The following NIPBL variants were observed in gnomAD, a reference collection of about 807,000 sequenced individuals.
NIPBL encodes NIPBL cohesin loading factor.
A neutral mutation model predicts 321.8 loss-of-function variants in NIPBL; 19 were observed. The observed-to-expected ratio is 0.06, with a 90% CI of 0.04 to 0.09. NIPBL has a LOEUF of 0.09. Among genes scored for constraint, NIPBL ranks in the 10% least tolerant of loss-of-function variants. The pLI is 1.00. For missense variants in NIPBL, 2,210 were observed against 3,327.0 expected, an observed-to-expected ratio of 0.66 and a Z score of 8.26; for synonymous variants, 1,106 against 1,114.1, an observed-to-expected ratio of 0.99 and a Z score of 0.14.
chr5:36,951,895 C>A (rs894937961), intron 1 of NIPBL, among the ~76,000 whole-genome samples: 21 of 151,628 alleles, frequency 1.4e-4, no homozygotes, highest in African/African-American at 4.8e-4. Flanking sequence ...GGTCTTTAAA[C>A]TGTAAAGAAA....
chr5:36,952,478 C>T (rs1360786968), intron 1 of NIPBL, among the ~76,000 whole-genome samples: 1 of 152,026 alleles, frequency 6.6e-6, no homozygotes, highest in Non-Finnish European at 1.5e-5. Flanking sequence ...TTAATGCGTA[C>T]ATTGTTAAAA....
chr5:37,012,273 C>G (rs1363044742), intron 21 of NIPBL, among the ~76,000 whole-genome samples: 2 of 151,324 alleles, frequency 1.3e-5, no homozygotes, highest in Non-Finnish European at 2.9e-5. Context: ...CCTCAGCCTT[C>G]CGAGTAGCTG....
chr5:36,881,251 T>C (rs755877099), intron 1 of NIPBL, among the ~76,000 whole-genome samples: 1 of 151,954 alleles, frequency 6.6e-6, no homozygotes, highest in Non-Finnish European at 1.5e-5. Flanking sequence ...TTTGCCCAAA[T>C]AAATTAAGTA....
At chr5:37,022,476 A>C (rs1749758328) in intron 29 of NIPBL, 86 bp downstream of exon 29, 1 of 1,142,792 alleles carries the variant, frequency 8.8e-7, no homozygotes, top group Admixed American at 2.7e-5. Context: ...AAGTTAGAAA[A>C]ATAAATGTAC....
intron 1 of NIPBL, chr5:36,885,483 A>G: frequency 2.0e-6 from 1 of 496,404 alleles, no homozygotes; most frequent in South Asian, 1.5e-5. Context: ...CTGGCCTCCT[A>G]CCTGGACAGA....
In NIPBL at chr5:37,062,937, A is replaced by T. The variant is rs946566044; in HGVS notation, c.7861-853A>T. On this transcript the variant is annotated intron_variant, in intron 45 of 46. Transcript: ENST00000282516. ...CCTGTCTCAATTTAAAAAGAAAAAA[A>T]AAAAGGGTTAAGCTGGCAAATTTTA... Among the ~76,000 whole-genome samples the T allele has an allele frequency of 2.0e-5, 3 of 152,204 alleles. 1 individual carries two copies. The South Asian group carries it at 6.2e-4, about 31-fold the overall frequency.
chr5:36,999,029 A>G (rs1381211704), intron 11 of NIPBL, among the ~76,000 whole-genome samples: 5 of 152,156 alleles, frequency 3.3e-5, no homozygotes, highest in African/African-American at 9.7e-5. Context: ...TTTTCCTGCC[A>G]TGTTGTCCAT....
At chr5:36,925,676 C>T (rs987699659) in intron 1 of NIPBL, among the ~76,000 whole-genome samples, 5 of 152,138 alleles carry the variant, frequency 3.3e-5, no homozygotes, top group Non-Finnish European at 7.4e-5. Flanking sequence ...TCAACTAGTA[C>T]GTGGCAGAAT....
chr5:36,917,187 C>T (rs932275331), intron 1 of NIPBL, among the ~76,000 whole-genome samples: 4 of 151,708 alleles, frequency 2.6e-5, no homozygotes, highest in Non-Finnish European at 4.4e-5. Flanking sequence ...TTTAGTGGAT[C>T]GCCATTCTAA....
intron 1 of NIPBL, chr5:36,885,437 C>A: frequency 2.2e-6 from 1 of 462,464 alleles, no homozygotes; most frequent in South Asian, 1.7e-5. Context: ...GGGAGGCATC[C>A]AGAACAAGGA....
intron 31 of NIPBL, among the ~76,000 whole-genome samples, chr5:37,026,922 AAAAAG>A (rs1201239712): frequency 2.0e-5 from 3 of 151,944 alleles, no homozygotes; most frequent in East Asian, 1.9e-4. Flanking sequence ...TCAAAAAAAA[AAAAAG>A]AAAAGAAAGA....
intron 16 of NIPBL, among the ~76,000 whole-genome samples, chr5:37,005,307 C>T (rs1381710396): frequency 2.0e-5 from 3 of 152,034 alleles, no homozygotes; most frequent in Non-Finnish European, 4.4e-5. Context: ...CTTAGAGAAA[C>T]CTAAAGTAAC....
At chr5:37,024,995 G>A (rs895544699) in intron 30 of NIPBL, among the ~76,000 whole-genome samples, 1 of 152,148 alleles carries the variant, frequency 6.6e-6, no homozygotes, top group East Asian at 1.9e-4. Context: ...ACTTTGGGAG[G>A]CCAAGGCAGG....
intron 14 of NIPBL, 57 bp downstream of exon 14, chr5:37,001,135 T>G: frequency 1.7e-6 from 2 of 1,159,676 alleles, no homozygotes; most frequent in Non-Finnish European, 2.6e-6. Context: ...CTGTATCCTC[T>G]AGAGTAACTC....
intron 21 of NIPBL, among the ~76,000 whole-genome samples, chr5:37,010,890 A>G (rs1043216072): frequency 2.6e-5 from 4 of 152,226 alleles, no homozygotes; most frequent in Non-Finnish European, 5.9e-5. Context: ...TGATCCAAAA[A>G]TCTAAAATCG....
Position 37,000,524 on chromosome 5 carries a change from A to G in NIPBL, c.3456A>G (p.Ser1152=). 1 of 1,613,520 alleles carries G rather than the reference A, an allele frequency of 6.2e-7. No homozygotes were observed. Among genetic ancestry groups the G allele is most frequent in the Non-Finnish European group, 8.5e-7 (1 of 1,179,542 alleles). Residue 1152 remains serine, a synonymous_variant, in exon 12 of 47, where the codon TCA becomes TCG. Transcript: ENST00000282516. ...GTCGTTATCGAAACCGAAGTCCGTC[A>G]GATTCTGACATGGAAGATTATTCTC... ...GGGRYRNRSP[S]DSDMEDYSPP... is the part of the protein sequence containing the mutation.
chr5:37,041,666 G>A (rs181511611), intron 34 of NIPBL, among the ~76,000 whole-genome samples: 6 of 151,794 alleles, frequency 4.0e-5, no homozygotes, highest in Admixed American at 2.0e-4. Flanking sequence ...AGGTTCAAGC[G>A]ATTCTCATGC....
chr5:36,995,556 T>C, intron 10 of NIPBL, 66 bp from the exon 11 acceptor site: 1 of 1,046,436 alleles, frequency 9.6e-7, no homozygotes, highest in Non-Finnish European at 1.5e-6. Context: ...TTATGCTAAC[T>C]TAGTTAAAAT....
rs1043280937 is a variant in NIPBL at position 36,915,743 on chromosome 5, G to C, written c.-79-37875G>C. Among the ~76,000 whole-genome samples, 7 of 152,188 alleles carry C rather than the reference G, an allele frequency of 4.6e-5. No individual in the cohort carries two copies. In the East Asian group the frequency reaches 1.4e-3, roughly 29 times the overall value. ...ATGTTTAATCTCTGACCTTTGGTTT[G>C]ACATGTAAAAATGATAAATTTTATC... On this transcript the variant is annotated intron_variant, in intron 1 of 46. Transcript: ENST00000282516.
Sources: allele counts gnomAD v4.1 joint callset (sites outside exome capture counted in the v4.1 genomes callset), GRCh38; gene constraint gnomAD v4.1.1; transcripts MANE v1.5; gene names NCBI Gene and HGNC (gene_info 2026-07-23, HGNC 2026-07-21).